KIAA1217: variants seen among roughly 807,000 people sequenced by gnomAD.
KIAA1217 encodes the protein sickle tail protein homolog.
A neutral mutation model predicts 163.9 loss-of-function variants in KIAA1217; 88 were observed. The ratio of observed to expected loss-of-function variants is 0.54; its 90% confidence interval spans 0.45 to 0.64. The LOEUF is 0.64. KIAA1217 is among the 30% of genes least tolerant of loss of function. The pLI is 0.00. For synonymous variants in KIAA1217, 903 were observed against 923.1 expected, an observed-to-expected ratio of 0.98 and a Z score of 0.39; for missense variants, 2,372 against 2,475.0, an observed-to-expected ratio of 0.96 and a Z score of 0.88.
chr10:24,022,225 A>G (rs1331002980), intron 2 of KIAA1217, among the ~76,000 whole-genome samples: 1 of 151,720 alleles, frequency 6.6e-6, no homozygotes, highest in Non-Finnish European at 1.5e-5. Flanking sequence ...ACTTGCATGC[A>G]AAATATACAA....
At chr10:23,801,960 T>C (rs987497556) in intron 1 of KIAA1217, among the ~76,000 whole-genome samples, 7 of 152,218 alleles carry the variant, frequency 4.6e-5, no homozygotes, top group Non-Finnish European at 4.4e-5. Flanking sequence ...ACAGTTTTCA[T>C]ATATTCCCTA....
chr10:23,833,092 T>A (rs1452509849), intron 1 of KIAA1217, among the ~76,000 whole-genome samples: 1 of 152,116 alleles, frequency 6.6e-6, no homozygotes, highest in Non-Finnish European at 1.5e-5. Context: ...CTATTTTTCT[T>A]AATATATCAA....
intron 2 of KIAA1217, among the ~76,000 whole-genome samples, chr10:24,138,847 A>G (rs2063938598): frequency 6.6e-6 from 1 of 152,162 alleles, no homozygotes; most frequent in South Asian, 2.1e-4. Context: ...TTTATATCAA[A>G]GACTTCAGTG....
At chr10:23,703,460 G>A (rs1051168230) in intron 1 of KIAA1217, among the ~76,000 whole-genome samples, 7 of 152,132 alleles carry the variant, frequency 4.6e-5, no homozygotes, top group African/African-American at 1.2e-4. Context: ...GTACAAAGAC[G>A]ACAAGATTTT....
At chr10:23,895,361 C>T (rs1349190994) in intron 1 of KIAA1217, among the ~76,000 whole-genome samples, 2 of 152,092 alleles carry the variant, frequency 1.3e-5, no homozygotes, top group Non-Finnish European at 2.9e-5. Context: ...CAAAAGAAGA[C>T]ATTTATGCAG....
At position 23,914,663 on chromosome 10, in the gene KIAA1217, A is replaced by G. The variant is rs184885378; in HGVS notation, c.-320-92562A>G. On this transcript the variant is annotated intron_variant, in intron 1 of 18. Coordinates refer to the KIAA1217 transcript ENST00000376462. ...GTAACCCAGCCCCGTGGCTCTATGCACATAACAGGATGCTGCAGAGTAGTG... is the reference window on the plus strand; with the variant it reads ...GTAACCCAGCCCCGTGGCTCTATGCGCATAACAGGATGCTGCAGAGTAGTG... Among the ~76,000 whole-genome samples, 40 of 152,256 alleles carry G rather than the reference A, an allele frequency of 2.6e-4. No individual in the cohort carries two copies. The South Asian group carries it at 3.3e-3, about 13-fold the overall frequency.
At position 23,695,852 on chromosome 10, in the gene KIAA1217, G is replaced by A. The variant is rs918731800; in HGVS notation, c.-321+618G>A. Among the ~76,000 whole-genome samples, 4 of 152,188 alleles carry A rather than the reference G, an allele frequency of 2.6e-5. No individual in the cohort carries two copies. The highest frequency in any genetic ancestry group is 2.0e-4 in the Admixed American group (3 of 15,290). ...TGTGACGCTTAGGGTCGCTACGGTT[G>A]ATGTTGGGCGCCTTTGGAAGCTGGT... is the stretch of plus-strand genomic sequence containing the variant. On this transcript the variant is annotated intron_variant, in intron 1 of 18. Coordinates refer to the KIAA1217 transcript ENST00000376462. This position sits in a 1 kb window ranked among gnomAD's most constrained non-coding sequence, Gnocchi z 4.9.
intron 3 of KIAA1217, among the ~76,000 whole-genome samples, chr10:24,390,014 G>A (rs2054624612): frequency 1.3e-5 from 2 of 152,134 alleles, no homozygotes; most frequent in Admixed American, 1.3e-4. Flanking sequence ...CAGAGTTTAA[G>A]GAAGCTTCCT....
intron 3 of KIAA1217, among the ~76,000 whole-genome samples, chr10:24,389,009 G>C (rs1004446052): frequency 1.3e-5 from 2 of 151,998 alleles, no homozygotes; most frequent in East Asian, 1.9e-4. Flanking sequence ...ATTCCTCAAG[G>C]ATCTAGAACT....
At chr10:23,728,507 G>GT (rs147180341) in intron 1 of KIAA1217, among the ~76,000 whole-genome samples, 30,778 of 145,690 alleles carry the variant, frequency 0.21, 3,316 homozygotes, top group Middle Eastern at 0.26. Flanking sequence ...CTTTTTGATG[G>GT]TTTTTTTTTT....
chr10:23,968,325 G>A (rs552259552), intron 1 of KIAA1217, among the ~76,000 whole-genome samples: 1 of 152,202 alleles, frequency 6.6e-6, no homozygotes, highest in Non-Finnish European at 1.5e-5. Flanking sequence ...AATGAATGAA[G>A]TTGATGGGTA....
intron 2 of KIAA1217, among the ~76,000 whole-genome samples, chr10:24,117,958 A>G (rs1166708347): frequency 6.6e-6 from 1 of 152,100 alleles, no homozygotes; most frequent in Admixed American, 6.5e-5. Flanking sequence ...CTTATATCAG[A>G]TAAGAAACCT....
chr10:24,236,770 A>G (rs1435045334), intron 2 of KIAA1217, among the ~76,000 whole-genome samples: 6 of 150,696 alleles, frequency 4.0e-5, no homozygotes, highest in Admixed American at 6.6e-5. Flanking sequence ...TCTCACCTCA[A>G]CCTCCCAAGT....
chr10:23,707,277 C>A (rs907242293), intron 1 of KIAA1217, among the ~76,000 whole-genome samples: 19 of 151,918 alleles, frequency 1.3e-4, no homozygotes, highest in Non-Finnish European at 2.1e-4. Flanking sequence ...CAAGGCCCTG[C>A]TTTAGGAAGA....
rs754733000 is a variant in KIAA1217 at position 24,528,080 on chromosome 10, C to T, written c.3043C>T (p.Pro1015Ser). Reference protein sequence around the residue: ...LEMPPATGPLPRGDAPVDKVE... With the variant: ...LEMPPATGPLSRGDAPVDKVE... ...GATGCCGCCAGCCACAGGCCCACTG[C>T]CAAGGGGAGATGCCCCAGTGGACAA... is the stretch of plus-strand genomic sequence containing the variant. The change falls in exon 14 of 21, where the codon CCA (proline) becomes TCA (serine). Residue 1015 changes from proline to serine, a missense_variant. This residue lies in a region of KIAA1217 where 1,431 missense variants were observed against 1,470.3 expected (regional missense o/e 0.97). Transcript: ENST00000376454. The T allele has an allele frequency of 6.2e-7, 1 of 1,614,094 alleles. No homozygotes were observed. Among genetic ancestry groups the T allele is most frequent in the South Asian group, 1.1e-5 (1 of 91,076 alleles).
intron 1 of KIAA1217, 21 bp from the exon 2 acceptor site, chr10:24,219,605 C>T: frequency 6.4e-7 from 1 of 1,551,124 alleles, no homozygotes; most frequent in Non-Finnish European, 8.7e-7. Flanking sequence ...TAATTGTGAA[C>T]CGAATTTTTT....
Position 24,524,634 on chromosome 10 carries a change from C to G in KIAA1217, c.2768C>G (p.Ala923Gly). The part of the protein sequence containing the change: ...VASSPAVPQE[A>G]TSTLQMSQAP... Reference sequence around the variant, plus strand: ...AGCTCCCCAGCCGTCCCCCAGGAAGCAACCTCCACTCTGCAGATGTCGCAG... The same window carrying G: ...AGCTCCCCAGCCGTCCCCCAGGAAGGAACCTCCACTCTGCAGATGTCGCAG... The change falls in exon 13 of 21, where the codon GCA becomes GGA. Residue 923 changes from alanine to glycine, a missense_variant. By Grantham distance (60) the Ala-to-Gly change is moderately conservative (BLOSUM62 0). This residue lies in a region of KIAA1217 where 1,431 missense variants were observed against 1,470.3 expected (regional missense o/e 0.97). Transcript: ENST00000376454. The G allele has an allele frequency of 6.2e-7, 1 of 1,614,146 alleles. No homozygotes were observed. Among genetic ancestry groups the G allele is most frequent in the Non-Finnish European group, 8.5e-7 (1 of 1,180,044 alleles).
At chr10:24,539,415 G>C (rs1416628327) in intron 17 of KIAA1217, among the ~76,000 whole-genome samples, 1 of 151,922 alleles carries the variant, frequency 6.6e-6, no homozygotes, top group Non-Finnish European at 1.5e-5. Flanking sequence ...ATTTTTATTA[G>C]AGATAGGGTT....
chr10:24,419,070 G>A (rs1005214925), intron 3 of KIAA1217, among the ~76,000 whole-genome samples: 1 of 151,432 alleles, frequency 6.6e-6, no homozygotes, highest in East Asian at 1.9e-4. Flanking sequence ...CCAGTTACTC[G>A]GGTAGCTGAG....
Sources: allele counts gnomAD v4.1 joint callset (sites outside exome capture counted in the v4.1 genomes callset), GRCh38; gene constraint gnomAD v4.1.1; regional missense constraint gnomAD v4.1.1; non-coding constraint Gnocchi (gnomAD v3.1); transcripts MANE v1.5; gene names NCBI Gene and HGNC (gene_info 2026-07-23, HGNC 2026-07-21).